NAALADL2: variants seen among roughly 807,000 people sequenced by gnomAD.
The protein encoded by NAALADL2 is inactive N-acetylated-alpha-linked acidic dipeptidase-like protein 2.
A neutral mutation model predicts 87.2 loss-of-function variants in NAALADL2; 76 were observed. That is an observed-to-expected ratio of 0.87 (90% CI 0.72 to 1.05). The LOEUF is 1.05. NAALADL2 is among the 50% of genes least tolerant of loss of function. The pLI is 0.00. For synonymous variants in NAALADL2, 354 were observed against 331.0 expected (o/e 1.07, Z -0.75); for missense variants, 1,089 against 945.8 (o/e 1.15, Z -1.99).
At chr3:174,885,809 A>C (rs1014405801) in intron 1 of NAALADL2, among the ~76,000 whole-genome samples, 2 of 148,960 alleles carry the variant, frequency 1.3e-5, no homozygotes, top group Admixed American at 6.7e-5. Flanking sequence ...ATTAAGTATT[A>C]ACTCACACAA....
chr3:175,761,271 TG>T, intron 13 of NAALADL2, among the ~76,000 whole-genome samples: 1 of 152,232 alleles, frequency 6.6e-6, no homozygotes, highest in East Asian at 1.9e-4. Context: ...TCCATAGTTT[TG>T]CCTTTTCCAG....
At chr3:175,243,087 ACACACACG>A (rs1191510921) in intron 3 of NAALADL2, among the ~76,000 whole-genome samples, 1 of 151,242 alleles carries the variant, frequency 6.6e-6, no homozygotes, top group Non-Finnish European at 1.5e-5. Flanking sequence ...ACACACACAC[ACACACACG>A]CACACACACA....
At chr3:175,532,975 G>A (rs1205741796) in intron 9 of NAALADL2, among the ~76,000 whole-genome samples, 1 of 152,192 alleles carries the variant, frequency 6.6e-6, no homozygotes, top group Non-Finnish European at 1.5e-5. Context: ...ATCTCCCTAA[G>A]CCTTTGGATC....
intron 1 of NAALADL2, among the ~76,000 whole-genome samples, chr3:174,978,493 C>T (rs1419280987): frequency 1.3e-5 from 2 of 152,150 alleles, no homozygotes; most frequent in Non-Finnish European, 2.9e-5. Flanking sequence ...ATGCCTATCA[C>T]AAGGTATGGA....
chr3:175,359,528 G>A (rs1048153674), intron 5 of NAALADL2, among the ~76,000 whole-genome samples: 4 of 148,844 alleles, frequency 2.7e-5, no homozygotes, highest in Non-Finnish European at 4.5e-5. Flanking sequence ...GAAACAGAGA[G>A]AAATAATGAC....
At chr3:175,165,567 A>G (rs1733878627) in intron 2 of NAALADL2, among the ~76,000 whole-genome samples, 1 of 152,214 alleles carries the variant, frequency 6.6e-6, no homozygotes, top group Non-Finnish European at 1.5e-5. Context: ...AATGGTGGTA[A>G]GACCATAACA....
intron 5 of NAALADL2, among the ~76,000 whole-genome samples, chr3:175,413,272 T>C (rs1446092653): frequency 6.7e-6 from 1 of 149,952 alleles, no homozygotes; most frequent in Non-Finnish European, 1.5e-5. Flanking sequence ...CCGACTCCAT[T>C]AAAACTACCA....
chr3:174,840,270 G>T (rs1380869472), intron 3 of NAALADL2, among the ~76,000 whole-genome samples: 1 of 151,652 alleles, frequency 6.6e-6, no homozygotes, highest in Non-Finnish European at 1.5e-5. Flanking sequence ...GGAGAAAGAG[G>T]AAATATAATT....
chr3:175,324,159 T>G lies in NAALADL2; in HGVS notation c.940-16T>G, dbSNP rs1412124576. 6.2e-7 allele frequency: 1 copy of G among 1,610,808 alleles called. No individual in the cohort carries two copies. The highest frequency in any genetic ancestry group is 1.3e-5 in the African/African-American group (1 of 74,904). ...GTGCATGATAATATTTTTAATAGCT[T>G]GCTTCCCTCTTTTAGCTTTCCTCAT... On this transcript the variant is annotated splice_polypyrimidine_tract_variant and intron_variant, in intron 4 of 13. Transcript: ENST00000454872.
chr3:174,856,673 C>T (rs1725894974), upstream of NAALADL2, among the ~76,000 whole-genome samples: 1 of 152,068 alleles, frequency 6.6e-6, no homozygotes, highest in Non-Finnish European at 1.5e-5. Flanking sequence ...CAGAGAAAAG[C>T]TGTAAAGTGA....
chr3:175,256,748 C>T (rs902783846), intron 4 of NAALADL2: 1 of 325,490 alleles, frequency 3.1e-6, no homozygotes. Flanking sequence ...TATTTATGCC[C>T]TTATTTCTTT....
chr3:174,582,686 A>G (rs1699526825), intron 2 of NAALADL2, among the ~76,000 whole-genome samples: 1 of 151,994 alleles, frequency 6.6e-6, no homozygotes, highest in African/African-American at 2.4e-5. Context: ...GGTTCAAGCA[A>G]TTCTTCTGCC....
chr3:175,091,176 AT>A (rs1720053185), intron 1 of NAALADL2, among the ~76,000 whole-genome samples: 1 of 152,160 alleles, frequency 6.6e-6, no homozygotes, highest in Non-Finnish European at 1.5e-5. Context: ...GATTTTGCCT[AT>A]AAAGAATATT....
intron 3 of NAALADL2, among the ~76,000 whole-genome samples, chr3:174,745,247 A>G (rs919695696): frequency 2.0e-5 from 3 of 152,170 alleles, no homozygotes; most frequent in Non-Finnish European, 2.9e-5. Context: ...ACAATAAAAA[A>G]TGATAAAGGG....
chr3:175,505,638 G>A (rs1207110120), intron 9 of NAALADL2, among the ~76,000 whole-genome samples: 1 of 151,976 alleles, frequency 6.6e-6, no homozygotes, highest in African/African-American at 2.4e-5. Flanking sequence ...AGAAACTTAA[G>A]TTACAAGAAA....
At chr3:175,323,722 A>G (rs1014277017) in intron 4 of NAALADL2, among the ~76,000 whole-genome samples, 40 of 151,378 alleles carry the variant, frequency 2.6e-4, no homozygotes, top group African/African-American at 9.2e-4. Context: ...ATCTCTGCTT[A>G]TTTTAAAAGA....
At chr3:174,850,129 T>C (rs1725085356) in intron 3 of NAALADL2, among the ~76,000 whole-genome samples, 1 of 152,168 alleles carries the variant, frequency 6.6e-6, no homozygotes, top group Non-Finnish European at 1.5e-5. Context: ...TGGGAAAGTA[T>C]TTCTCCCTCA....
Position 175,471,687 on chromosome 3 carries a change from C to T in NAALADL2, c.1582C>T (p.His528Tyr), listed in dbSNP as rs1724922919. The T allele has an allele frequency of 2.5e-6, 4 of 1,583,124 alleles. No homozygotes were observed. Among genetic ancestry groups the T allele is most frequent in the Non-Finnish European group, 3.5e-6 (4 of 1,154,790 alleles). ...AAATGTTGTGGCTTATATTAGCCTC[C>T]ACAGTCCCATAAGGGGGAACTCTAG... Reference protein sequence around the residue: ...QKNVVAYISLHSPIRGNSSLY... With the variant: ...QKNVVAYISLYSPIRGNSSLY... Residue 528 changes from histidine (H) to tyrosine (Y), a missense_variant, in exon 9 of 14, where the codon CAC becomes TAC. Transcript: ENST00000454872.
intron 3 of NAALADL2, among the ~76,000 whole-genome samples, chr3:174,835,631 T>TA (rs1723243197): frequency 6.6e-6 from 1 of 152,130 alleles, no homozygotes; most frequent in Non-Finnish European, 1.5e-5. Context: ...CTAGAATATA[T>TA]AAACAACTTC....
Sources: gnomAD v4.1 joint callset for allele counts (sites outside exome capture counted in the v4.1 genomes callset) on GRCh38, gnomAD v4.1.1 for gene constraint, MANE v1.5 for transcripts, NCBI Gene and HGNC (gene_info 2026-07-23, HGNC 2026-07-21) for gene names.